PCBP3: variants seen among roughly 807,000 people sequenced by gnomAD.
The protein encoded by PCBP3 is poly(rC)-binding protein 3.
In PCBP3, 25 loss-of-function variants were observed where a neutral mutation model predicts 52.7. The ratio of observed to expected loss-of-function variants is 0.47; its 90% CI spans 0.35 to 0.66. The LOEUF is 0.66. Among genes scored for constraint, PCBP3 ranks in the 30% least tolerant of loss-of-function variants. The pLI is 0.01. For synonymous variants in PCBP3, 162 were observed against 183.0 expected, an observed-to-expected ratio of 0.89 and a Z score of 0.93; for missense variants, 391 against 490.3, an observed-to-expected ratio of 0.80 and a Z score of 1.91.
chr21:45,804,370 A>G (rs890944429), intron 4 of PCBP3, among the ~76,000 whole-genome samples: 5 of 152,182 alleles, frequency 3.3e-5, no homozygotes, highest in African/African-American at 4.8e-5. Flanking sequence ...CATGTAGATT[A>G]TATTGATTTA....
At chr21:45,909,768 CCCACCCACT>C (rs2096297722) in intron 10 of PCBP3, among the ~76,000 whole-genome samples, 1 of 101,412 alleles carries the variant, frequency 9.9e-6, no homozygotes, top group African/African-American at 3.9e-5. Context: ...ACGGACCCCC[CCCACCCACT>C]GCCCAGATAC....
At position 45,830,069 on chromosome 21, in the gene PCBP3, G is replaced by A. The variant is rs1339495796; in HGVS notation, c.-125-19892G>A. On this transcript the variant is annotated intron_variant, in intron 4 of 17. Coordinates refer to ENST00000681687, the MANE Select transcript of PCBP3 (RefSeq NM_001384156.1). The surrounding 1 kb of genome is among the most constrained non-coding windows in gnomAD (Gnocchi z 4.4). ...GCCTCCAAGAGCCATGTTTCCCTAG[G>A]CAAGTAGGAGGCTGTGGCCCCAAGG... 6.5e-6 allele frequency: 1 copy of A among 152,854 alleles called. No homozygotes were observed. Among genetic ancestry groups the A allele is most frequent in the African/African-American group, 2.4e-5 (1 of 41,576 alleles). The allele number at this position is 152,854 out of a possible 1,614,324, so 9.5% of individuals were successfully genotyped here.
chr21:45,660,229 G>T (rs897745063), intron 1 of PCBP3, among the ~76,000 whole-genome samples: 1 of 151,506 alleles, frequency 6.6e-6, no homozygotes, highest in Admixed American at 6.6e-5. Context: ...AATATTCTTT[G>T]TCTGTAATAA....
chr21:45,787,262 T>C (rs1370238111), intron 4 of PCBP3, among the ~76,000 whole-genome samples: 1 of 152,178 alleles, frequency 6.6e-6, no homozygotes, highest in African/African-American at 2.4e-5. Flanking sequence ...TCGTTTTGTT[T>C]GAGACAGGGT....
intron 2 of PCBP3, among the ~76,000 whole-genome samples, chr21:45,693,622 G>A (rs759227657): frequency 6.6e-6 from 1 of 151,954 alleles, no homozygotes; most frequent in Non-Finnish European, 1.5e-5. Context: ...CAGGAAAAGA[G>A]GAACAAATGG....
chr21:45,793,039 C>T (rs1354924958), intron 4 of PCBP3, among the ~76,000 whole-genome samples: 1 of 152,196 alleles, frequency 6.6e-6, no homozygotes, highest in Non-Finnish European at 1.5e-5. Context: ...GCAAACCAAG[C>T]CTCTCTAAAG....
intron 2 of PCBP3, among the ~76,000 whole-genome samples, chr21:45,700,570 C>CAG (rs2083058981): frequency 6.6e-6 from 1 of 152,174 alleles, no homozygotes; most frequent in African/African-American, 2.4e-5. Flanking sequence ...AGGTGCCCGC[C>CAG]CAGCAACAAC....
intron 2 of PCBP3, among the ~76,000 whole-genome samples, chr21:45,678,502 A>T (rs1057189027): frequency 2.6e-5 from 4 of 152,088 alleles, no homozygotes; most frequent in African/African-American, 9.7e-5. Flanking sequence ...AGTTTGGAAG[A>T]AGTTGATTCC....
intron 4 of PCBP3, among the ~76,000 whole-genome samples, chr21:45,789,389 AGT>A (rs1329924951): frequency 6.6e-6 from 1 of 152,040 alleles, no homozygotes; most frequent in Non-Finnish European, 1.5e-5. Context: ...TGAGTGCACG[AGT>A]GTGTGCATGT....
At chr21:45,786,927 G>A (rs779952262) in intron 4 of PCBP3, among the ~76,000 whole-genome samples, 18 of 152,318 alleles carry the variant, frequency 1.2e-4, no homozygotes, top group East Asian at 1.9e-4. Context: ...ATGAGAGTCC[G>A]TGGGTCCCCT....
At chr21:45,765,271 C>T (rs1321208602) in intron 4 of PCBP3, among the ~76,000 whole-genome samples, 2 of 152,096 alleles carry the variant, frequency 1.3e-5, no homozygotes, top group African/African-American at 4.8e-5. Context: ...AGAGGGTGGC[C>T]AGGCTGGGGC....
chr21:45,897,290 A>G (rs1419783020), intron 6 of PCBP3, among the ~76,000 whole-genome samples: 2 of 152,088 alleles, frequency 1.3e-5, no homozygotes, highest in African/African-American at 2.4e-5. Context: ...AGCGGCCGCA[A>G]AGCATCCCCT....
chr21:45,810,543 C>T (rs185668498), intron 4 of PCBP3, among the ~76,000 whole-genome samples: 2 of 152,190 alleles, frequency 1.3e-5, no homozygotes, highest in Admixed American at 6.5e-5. Flanking sequence ...GGATTATAGG[C>T]GTGAGCCATC....
chr21:45,644,003 T>G (rs927106547), intron 1 of PCBP3, 135 bp downstream of exon 1: 1 of 147,326 alleles, frequency 6.8e-6, no homozygotes, highest in Non-Finnish European at 1.5e-5. Context: ...CGGGCGGGGG[T>G]CCCGGGCTGG....
At chr21:45,693,772 C>A (rs1247239474) in intron 2 of PCBP3, among the ~76,000 whole-genome samples, 1 of 151,992 alleles carries the variant, frequency 6.6e-6, no homozygotes, top group Non-Finnish European at 1.5e-5. Flanking sequence ...ATAGACAGAC[C>A]TGCACTATAA....
intron 2 of PCBP3, among the ~76,000 whole-genome samples, chr21:45,691,438 ATAT>A (rs1569121429): frequency 1.8e-3 from 184 of 102,804 alleles, no homozygotes; most frequent in African/African-American, 8.6e-3. Flanking sequence ...TATATATATC[ATAT>A]ATATGTATGT....
rs2095383200 is a variant in PCBP3, at chr21:45,880,775, G to A, written c.11-15433G>A. ...CTCCAGAAGAAGGTCCTGATAAGTGGGTGGGAGAACTCACCCTGTCCCTGC... is the reference window on the plus strand; with the variant it reads ...CTCCAGAAGAAGGTCCTGATAAGTGAGTGGGAGAACTCACCCTGTCCCTGC... On this transcript the variant is annotated intron_variant, in intron 5 of 17. Coordinates refer to ENST00000681687, the MANE Select transcript of PCBP3 (RefSeq NM_001384156.1). This position sits in a 1 kb window ranked among gnomAD's most constrained non-coding sequence, Gnocchi z 5.4. 6.6e-6 allele frequency among the ~76,000 whole-genome samples: 1 copy of A among 152,154 alleles called. No homozygotes were observed. The highest frequency in any genetic ancestry group is 2.4e-5 in the African/African-American group (1 of 41,426).
In PCBP3 at chr21:45,735,927, G is replaced by A. The variant is rs921012258; in HGVS notation, c.-162+498G>A. On this transcript the variant is annotated intron_variant, in intron 3 of 17. Transcript: ENST00000681687. The surrounding 1 kb of genome is among the most constrained non-coding windows in gnomAD (Gnocchi z 4.0). ...ACATCTGTGGAAAGGACCTGGCACC[G>A]GCCAGCACACAGAGGCACTCACCTG... Among the ~76,000 whole-genome samples the A allele has an allele frequency of 1.3e-5, 2 of 152,204 alleles. No homozygotes were observed. Among genetic ancestry groups the A allele is most frequent in the Non-Finnish European group, 2.9e-5 (2 of 68,042 alleles).
intron 5 of PCBP3, among the ~76,000 whole-genome samples, chr21:45,863,342 C>T (rs1269586869): frequency 1.3e-5 from 2 of 152,220 alleles, no homozygotes; most frequent in Admixed American, 6.5e-5. Context: ...AGCAAAAGCT[C>T]GTGTCTTAGG....
Sources: allele counts gnomAD v4.1 joint callset (sites outside exome capture counted in the v4.1 genomes callset), GRCh38; gene constraint gnomAD v4.1.1; non-coding constraint Gnocchi (gnomAD v3.1); transcripts MANE v1.5; gene names NCBI Gene and HGNC (gene_info 2026-07-23, HGNC 2026-07-21).